The following TAF1 variants were observed in gnomAD, a reference collection of about 807,000 sequenced individuals.
TAF1 encodes TATA-box binding protein associated factor 1.
Under a neutral mutation model 138.5 loss-of-function variants are expected in TAF1, and 2 were observed. The ratio of observed to expected loss-of-function variants is 0.01; its 90% CI spans 0.01 to 0.05. The LOEUF (loss-of-function observed/expected upper bound fraction) is 0.05, where lower values mean the gene tolerates loss of function less well. Ranked by LOEUF, TAF1 falls within the 10% of genes least tolerant of loss-of-function variation. TAF1 has a pLI of 1.00. For synonymous variants in TAF1, 437 were observed against 503.2 expected, an observed-to-expected ratio of 0.87 and a Z score of 1.76; for missense variants, 709 against 1,478.0, an observed-to-expected ratio of 0.48 and a Z score of 8.53.
chrX:71,529,470 A>T, intron 14 of TAF1: 1 of 225,683 alleles, frequency 4.4e-6, no homozygotes, highest in Non-Finnish European at 8.1e-6. Flanking sequence ...AAGACACAAA[A>T]GTTCTCCAAG....
intron 4 of TAF1, 142 bp downstream of exon 4, chrX:71,375,428 A>G (rs1260482218): frequency 1.2e-6 from 1 of 801,662 alleles, no homozygotes; most frequent in African/African-American, 2.1e-5. Flanking sequence ...CGCAAATTTT[A>G]GTATTAAAGG....
chrX:71,382,435 C>G, intron 9 of TAF1, 101 bp from the exon 10 acceptor site: 1 of 1,102,856 alleles, frequency 9.1e-7, no homozygotes, highest in Non-Finnish European at 1.2e-6. Context: ...AAGACCTTCA[C>G]TGGAACATCC....
chrX:71,491,043 GTTTTTTTT>G (rs1187463669), intron 13 of TAF1: 11 of 45,722 alleles, frequency 2.4e-4, no homozygotes, highest in African/African-American at 8.6e-4. Flanking sequence ...TGTTGTTGTT[GTTTTTTTT>G]TTTTTTTTTT....
At chrX:71,418,581 CAG>C (rs748011204) in intron 28 of TAF1, among the ~76,000 whole-genome samples, 7 of 112,013 alleles carry the variant, frequency 6.2e-5, no homozygotes, top group East Asian at 5.6e-4. Flanking sequence ...AAAGGATAGA[CAG>C]AGGAATACAA....
downstream of TAF1, among the ~76,000 whole-genome samples, chrX:71,469,763 G>A (rs1282763995): frequency 9.0e-6 from 1 of 111,075 alleles, no homozygotes; most frequent in Non-Finnish European, 1.9e-5. Flanking sequence ...GTGCAATGGA[G>A]TGATCTTGGC....
chrX:71,401,770 GACAGATTTATTT>G (rs755670965), intron 25 of TAF1, 31 bp downstream of exon 25: 3 of 1,180,899 alleles, frequency 2.5e-6, no homozygotes, highest in East Asian at 3.0e-5. Context: ...AGTGCTATGG[GACAGATTTATTT>G]GAGGTTGGTT....
At chrX:71,390,102 C>T (rs902907322) in intron 18 of TAF1, among the ~76,000 whole-genome samples, 7 of 112,021 alleles carry the variant, frequency 6.2e-5, no homozygotes, top group Non-Finnish European at 1.3e-4. Flanking sequence ...TCTTGAGCTC[C>T]TGACCTCAAG....
At chrX:71,424,311 TAAA>T (rs1265642683) in intron 32 of TAF1, 73 bp downstream of exon 32, 3 of 966,484 alleles carry the variant, frequency 3.1e-6, no homozygotes, top group Non-Finnish European at 4.2e-6. Context: ...TTAGCATTAT[TAAA>T]AAATTTTTTT....
At chrX:71,498,396 T>C (rs941078469) in intron 13 of TAF1, among the ~76,000 whole-genome samples, 1 of 111,998 alleles carries the variant, frequency 8.9e-6, no homozygotes, top group African/African-American at 3.2e-5. Flanking sequence ...TACTGCCTCA[T>C]TGATGAATCT....
chrX:71,440,311 G>A (rs904596312), intron 32 of TAF1, among the ~76,000 whole-genome samples: 9 of 111,879 alleles, frequency 8.0e-5, no homozygotes, highest in African/African-American at 2.9e-4. Flanking sequence ...TTGTGTGGTT[G>A]TACCAGCGTT....
At chrX:71,528,659 G>A (rs1056793664) in exon 14 of TAF1, 52 of 329,586 alleles carry the variant, frequency 1.6e-4, no homozygotes, top group East Asian at 1.2e-3. Flanking sequence ...ATCTGTGTCC[G>A]GAGTTGGTTC....
At chrX:71,402,303 C>G (rs970722262) in intron 25 of TAF1, among the ~76,000 whole-genome samples, 1 of 111,693 alleles carries the variant, frequency 9.0e-6, no homozygotes, top group Non-Finnish European at 1.9e-5. Context: ...GATGGGGTTT[C>G]GTTATGTTGG....
At chrX:71,472,971 T>C (rs2038916350) in intron 13 of TAF1, among the ~76,000 whole-genome samples, 1 of 112,278 alleles carries the variant, frequency 8.9e-6, no homozygotes, top group South Asian at 3.7e-4. Context: ...TATGTAAACA[T>C]ACGAACTTCA....
chrX:71,393,923 A>G (rs778097064), intron 21 of TAF1, 144 bp from the exon 22 acceptor site: 4 of 610,034 alleles, frequency 6.6e-6, no homozygotes, highest in Non-Finnish European at 9.6e-6. Flanking sequence ...TGTCTAGGAA[A>G]ACTTTGTAAA....
At chrX:71,436,823 A>G (rs764921658) in intron 32 of TAF1, among the ~76,000 whole-genome samples, 5 of 111,984 alleles carry the variant, frequency 4.5e-5, no homozygotes, top group Non-Finnish European at 7.5e-5. Context: ...TAATTATCCT[A>G]AATAAACTCT....
At position 71,392,593 on chromosome X, in the gene TAF1, A is replaced by T. The variant is rs1014764751; in HGVS notation, c.2806A>T (p.Thr936Ser). ...GGTTCGCACTGCCCCTTGGAACACC[A>T]CAAGGGCCTTCATTGCTGCCATGAA... is the stretch of plus-strand genomic sequence containing the variant. ...DEVRTAPWNT[T>S]RAFIAAMKGK... Residue 936 changes from threonine (T) to serine (S), a missense_variant, in exon 19 of 38, where the codon ACA becomes TCA. Around this residue, in one of 14 missense-constraint regions of TAF1, gnomAD observed 31 missense variants for 140.4 expected, o/e 0.22. Coordinates refer to ENST00000423759, the MANE Select transcript of TAF1 (RefSeq NM_004606.5). The T allele has an allele frequency of 1.7e-6, 2 of 1,197,618 alleles. No homozygotes were observed. Among genetic ancestry groups the T allele is most frequent in the Non-Finnish European group, 1.1e-6 (1 of 890,406 alleles).
At chrX:71,422,701 A>C (rs932380590) in intron 29 of TAF1, among the ~76,000 whole-genome samples, 7 of 110,816 alleles carry the variant, frequency 6.3e-5, no homozygotes, top group African/African-American at 1.3e-4. Context: ...AGGGTAATAG[A>C]TAGCTAGCTG....
At chrX:71,436,257 C>T (rs1439988047) in intron 32 of TAF1, among the ~76,000 whole-genome samples, 3 of 99,962 alleles carry the variant, frequency 3.0e-5, no homozygotes, top group Admixed American at 1.1e-4. Flanking sequence ...GCTCTGTCAC[C>T]CAGGCTGGAG....
At chrX:71,452,389 C>T (rs1203609060) in intron 32 of TAF1, among the ~76,000 whole-genome samples, 3 of 109,595 alleles carry the variant, frequency 2.7e-5, no homozygotes, top group African/African-American at 1.0e-4. Context: ...GACTGGGTCG[C>T]GGCCGGGCAG....
Sources: allele counts gnomAD v4.1 joint callset (sites outside exome capture counted in the v4.1 genomes callset), GRCh38; gene constraint gnomAD v4.1.1; regional missense constraint gnomAD v4.1.1; transcripts MANE v1.5; gene names NCBI Gene and HGNC (gene_info 2026-07-23, HGNC 2026-07-21).